The following CNTN3 variants were observed in gnomAD, a reference collection of about 807,000 sequenced individuals.
CNTN3 encodes contactin 3.
A neutral mutation model predicts 119.1 loss-of-function variants in CNTN3; 60 were observed. The observed-to-expected ratio is 0.50, with a 90% CI of 0.41 to 0.62. The LOEUF (loss-of-function observed/expected upper bound fraction) is 0.62. Ranked by LOEUF, CNTN3 falls within the 20% of genes least tolerant of loss-of-function variation. CNTN3 has a pLI of 0.00. For synonymous variants in CNTN3, 450 were observed against 438.7 expected (o/e 1.03, Z -0.32); for missense variants, 1,101 against 1,242.4 (o/e 0.89, Z 1.71).
intron 11 of CNTN3, among the ~76,000 whole-genome samples, chr3:74,342,005 G>A (rs1703560249): frequency 6.6e-6 from 1 of 152,050 alleles, no homozygotes. Context: ...TTAAACTGCT[G>A]TGTAGAAAAT....
At chr3:74,371,099 A>G (rs551287090) in intron 6 of CNTN3, 97 bp downstream of exon 6, 8 of 820,196 alleles carry the variant, frequency 9.8e-6, no homozygotes, top group African/African-American at 6.9e-5. Flanking sequence ...TGAAGTGACA[A>G]TTCTTCTAGA....
intron 4 of CNTN3, among the ~76,000 whole-genome samples, chr3:74,437,567 T>C (rs9820058): frequency 0.43 from 65,223 of 152,076 alleles, 14,120 homozygotes; most frequent in East Asian, 0.57. Context: ...AAACTCTCCC[T>C]ATTTGATTAT....
At chr3:74,605,587 T>C (rs1384770698) in intron 1 of CNTN3, among the ~76,000 whole-genome samples, 2 of 152,116 alleles carry the variant, frequency 1.3e-5, no homozygotes, top group East Asian at 1.9e-4. Flanking sequence ...TCGAGTAACA[T>C]AAGTCATCTG....
intron 13 of CNTN3, among the ~76,000 whole-genome samples, chr3:74,310,870 G>T (rs887485876): frequency 4.6e-5 from 7 of 152,114 alleles, no homozygotes; most frequent in African/African-American, 1.7e-4. Context: ...GATCCATTTT[G>T]CACCTGCCAT....
chr3:74,571,201 G>A (rs1216863410), intron 1 of CNTN3, among the ~76,000 whole-genome samples: 3 of 152,186 alleles, frequency 2.0e-5, no homozygotes, highest in African/African-American at 7.2e-5. Flanking sequence ...ATGAAGTGTT[G>A]AATATCATTT....
intron 1 of CNTN3, among the ~76,000 whole-genome samples, chr3:74,584,101 T>C (rs1183361358): frequency 6.6e-6 from 1 of 152,212 alleles, no homozygotes; most frequent in Admixed American, 6.5e-5. Flanking sequence ...AAAGCTAATA[T>C]TAACGAAAAT....
intron 5 of CNTN3, among the ~76,000 whole-genome samples, chr3:74,399,326 G>T (rs72898308): frequency 1.8e-3 from 279 of 152,002 alleles, no homozygotes; most frequent in African/African-American, 6.5e-3. Context: ...CCCAGTGTGT[G>T]TTGTTCCCCC....
At chr3:74,592,621 G>A (rs1704723255) in intron 1 of CNTN3, among the ~76,000 whole-genome samples, 2 of 152,010 alleles carry the variant, frequency 1.3e-5, no homozygotes, top group Admixed American at 1.3e-4. Context: ...GATATGCTGA[G>A]TCACTGTTTT....
At chr3:74,507,736 A>G (rs1186087000) in intron 2 of CNTN3, among the ~76,000 whole-genome samples, 1 of 147,978 alleles carries the variant, frequency 6.8e-6, no homozygotes, top group East Asian at 2.0e-4. Flanking sequence ...GCTTCTAGCA[A>G]TTCTTCTGCC....
chr3:74,568,031 T>G (rs756391839), intron 1 of CNTN3, among the ~76,000 whole-genome samples: 1 of 152,142 alleles, frequency 6.6e-6, no homozygotes. Context: ...AGCCCCCACT[T>G]TTTCTAAACC....
chr3:74,350,748 G>C (rs1331079355), intron 11 of CNTN3, among the ~76,000 whole-genome samples: 6 of 151,978 alleles, frequency 3.9e-5, no homozygotes, highest in Admixed American at 3.9e-4. Flanking sequence ...CCATAAAACA[G>C]AATGAAATCA....
intron 4 of CNTN3, among the ~76,000 whole-genome samples, chr3:74,453,204 G>A (rs1435698171): frequency 1.3e-5 from 2 of 151,410 alleles, no homozygotes; most frequent in Non-Finnish European, 2.9e-5. Context: ...TCCTGTTATT[G>A]GTCTATTCAG....
intron 5 of CNTN3, among the ~76,000 whole-genome samples, chr3:74,386,182 T>C (rs1704740624): frequency 6.6e-6 from 1 of 152,202 alleles, no homozygotes; most frequent in African/African-American, 2.4e-5. Flanking sequence ...TTAGCAACAG[T>C]AACATTTTGA....
chr3:74,269,162 T>C (rs1701719370), intron 20 of CNTN3, among the ~76,000 whole-genome samples: 1 of 152,102 alleles, frequency 6.6e-6, no homozygotes, highest in Non-Finnish European at 1.5e-5. Flanking sequence ...ATTTTTGTCA[T>C]GTTTTGCTAT....
intron 5 of CNTN3, among the ~76,000 whole-genome samples, chr3:74,410,461 GCTT>G (rs1206725847): frequency 1.3e-5 from 2 of 152,090 alleles, no homozygotes; most frequent in African/African-American, 4.8e-5. Flanking sequence ...CAGGTGTACT[GCTT>G]CTCTCTCTGA....
chr3:74,511,115 A>G (rs1426776234), intron 2 of CNTN3, among the ~76,000 whole-genome samples: 1 of 152,116 alleles, frequency 6.6e-6, no homozygotes, highest in African/African-American at 2.4e-5. Flanking sequence ...GGAGGGGAGA[A>G]AACACTTCCT....
intron 6 of CNTN3, among the ~76,000 whole-genome samples, chr3:74,370,871 G>A (rs890485390): frequency 7.2e-5 from 11 of 152,102 alleles, no homozygotes; most frequent in African/African-American, 1.7e-4. Context: ...AGTGCAACCC[G>A]AGCCCCGGGC....
intron 1 of CNTN3, among the ~76,000 whole-genome samples, chr3:74,597,412 G>A (rs969567919): frequency 7.9e-5 from 12 of 151,950 alleles, no homozygotes; most frequent in South Asian, 2.1e-4. Flanking sequence ...TAACCCAGAC[G>A]TGGTTCCTTC....
At chr3:74,472,914 C>T (rs993808700) in intron 4 of CNTN3, among the ~76,000 whole-genome samples, 5 of 152,122 alleles carry the variant, frequency 3.3e-5, no homozygotes, top group Non-Finnish European at 7.4e-5. Context: ...TTTAACACAA[C>T]CATTTTAGCT....
Sources: gnomAD v4.1 joint callset for allele counts (sites outside exome capture counted in the v4.1 genomes callset) on GRCh38, gnomAD v4.1.1 for gene constraint, MANE v1.5 for transcripts, NCBI Gene and HGNC (gene_info 2026-07-23, HGNC 2026-07-21) for gene names.